SPTA1: variants seen among roughly 807,000 people sequenced by gnomAD.
SPTA1 encodes spectrin alpha chain, erythrocytic 1.
In SPTA1, 177 loss-of-function variants were observed where a neutral mutation model predicts 324.7. The ratio of observed to expected loss-of-function variants is 0.55; its 90% confidence interval spans 0.48 to 0.62. The LOEUF (loss-of-function observed/expected upper bound fraction) is 0.62, where lower values mean the gene tolerates loss of function less well. Among genes scored for constraint, SPTA1 ranks in the 20% least tolerant of loss-of-function variants. The probability of loss-of-function intolerance (pLI) is 0.00; values close to 1 mark genes in which losing one functional copy is unlikely to be tolerated. For missense variants in SPTA1, 3,162 were observed against 2,883.6 expected (o/e 1.10, Z -2.21); for synonymous variants, 1,195 against 1,041.3 (o/e 1.15, Z -2.84).
In SPTA1 at chr1:158,620,827, A is replaced by C. The variant is rs1405981387; in HGVS notation, c.6121-361T>G. On this transcript the variant is annotated intron_variant, in intron 43 of 51. Transcript: ENST00000643759. Reference sequence around the variant, plus strand: ...AGTCTATCCTCCAGTTCTACCCGGCAAGTAGTAAACATGAAAAAAAAAAAA... The same window carrying C: ...AGTCTATCCTCCAGTTCTACCCGGCCAGTAGTAAACATGAAAAAAAAAAAA... 1.9e-5 allele frequency: 3 copies of C among 155,614 alleles called. No homozygotes were observed. The East Asian group carries it at 5.4e-4, about 28-fold the overall frequency. The allele number at this position is 155,614 out of a possible 1,614,324, so 9.6% of individuals were successfully genotyped here.
At chr1:158,681,423 C>A in intron 4 of SPTA1, 104 bp downstream of exon 4, 1 of 1,572,006 alleles carries the variant, frequency 6.4e-7, no homozygotes, top group Admixed American at 1.7e-5. Context: ...AAGCCAGGAA[C>A]AGACATCCTG....
Position 158,661,379 on chromosome 1 carries a change from A to G in SPTA1, c.2495T>C (p.Leu832Pro). The change falls in exon 18 of 52, where the codon CTG becomes CCG. Residue 832 changes from leucine to proline, a missense_variant. By Grantham distance (98) the Leu-to-Pro change is moderately conservative. Coordinates refer to ENST00000643759, the MANE Select transcript of SPTA1 (RefSeq NM_003126.4). ...CTCCAGGATGACTCTATGCCTATTC[A>G]GAAGCTTTTTGGAAGCAATCAGGTC... The part of the protein sequence containing the change: ...GKDLIASKKL[L>P]NRHRVILENI... The G allele has an allele frequency of 6.2e-6, 10 of 1,613,968 alleles. No individual in the cohort carries two copies. The highest frequency in any genetic ancestry group is 8.5e-6 in the Non-Finnish European group (10 of 1,179,898).
In SPTA1 at chr1:158,662,725, G is replaced by T. The variant is rs1179838818; in HGVS notation, c.2441C>A (p.Pro814His). 1 of 1,613,806 alleles carries T rather than the reference G, an allele frequency of 6.2e-7. No homozygotes were observed. Among genetic ancestry groups the T allele is most frequent in the African/African-American group, 1.3e-5 (1 of 74,868 alleles). The change falls in exon 17 of 52, where the codon CCC becomes CAC. Residue 814 changes from proline (P) to histidine (H), a missense_variant. Physicochemically the swap from Pro to His is moderately conservative, Grantham distance 77. Transcript: ENST00000643759. The stretch of plus-strand genomic sequence containing the variant: ...ACCAAGGTAGGTGGAAGTAGCTGAG[G>T]GTTCAGTCTCTTGGATCCAGGCCTC... ...DEEAWIQETEPSATSTYLGKD... is the reference protein window; with the variant it reads ...DEEAWIQETEHSATSTYLGKD...
intron 31 of SPTA1, 55 bp from the exon 32 acceptor site, chr1:158,643,031 A>G (rs1651730247): frequency 1.2e-6 from 2 of 1,606,120 alleles, no homozygotes; most frequent in Non-Finnish European, 1.7e-6. Context: ...CCATGCTCTG[A>G]TGCCATATCC....
chr1:158,642,874 C>G lies in SPTA1; in HGVS notation c.4545G>C (p.Trp1515Cys). Residue 1515 changes from tryptophan (W) to cysteine (C), a missense_variant, in exon 32 of 52, where the codon TGG becomes TGC. Coordinates refer to ENST00000643759, the MANE Select transcript of SPTA1 (RefSeq NM_003126.4). ...FYRDLEELEEWISEMLPTACD... is the reference protein window; with the variant it reads ...FYRDLEELEECISEMLPTACD... ...AGGCTGTGGGCAGCATCTCACTGATCCATTCTTCCAGCTCCTCAAGGTCTC... is the reference window on the plus strand; with the variant it reads ...AGGCTGTGGGCAGCATCTCACTGATGCATTCTTCCAGCTCCTCAAGGTCTC... 6.2e-7 allele frequency: 1 copy of G among 1,613,822 alleles called. No individual in the cohort carries two copies.
intron 42 of SPTA1, among the ~76,000 whole-genome samples, chr1:158,625,216 A>T (rs1488544788): frequency 6.6e-6 from 1 of 152,204 alleles, no homozygotes; most frequent in Non-Finnish European, 1.5e-5. Context: ...GATACTAAAA[A>T]AATGTTGGTG....
At chr1:158,683,546 G>C (rs1210220664) in intron 2 of SPTA1, 50 bp from the exon 3 acceptor site, 19 of 1,609,006 alleles carry the variant, frequency 1.2e-5, no homozygotes, top group Non-Finnish European at 1.6e-5. Flanking sequence ...AGTCTTCATG[G>C]GAAATGTTCA....
rs1655207030 is a variant in SPTA1 at position 158,686,684 on chromosome 1, C to T, written c.-167G>A. The T allele has an allele frequency of 1.2e-5, 7 of 591,996 alleles. No individual in the cohort carries two copies. The East Asian group carries it at 2.0e-4, about 17-fold the overall frequency. The allele number at this position is 591,996 out of a possible 1,614,324, so 36.7% of individuals were successfully genotyped here. On this transcript the variant is annotated 5_prime_UTR_variant, in exon 1 of 52. It removes an upstream start codon present in the reference 5' UTR. Coordinates refer to ENST00000643759, the MANE Select transcript of SPTA1 (RefSeq NM_003126.4). The stretch of plus-strand genomic sequence containing the variant: ...TGCTTGGTCCTAGAATCCCATCAGC[C>T]ATACACAATCGACATTATCTTTAGA...
chr1:158,665,131 C>T (rs1459371734), intron 16 of SPTA1, among the ~76,000 whole-genome samples: 2 of 152,148 alleles, frequency 1.3e-5, no homozygotes, highest in African/African-American at 4.8e-5. Flanking sequence ...GTCACACACT[C>T]CTATTTCTTA....
intron 45 of SPTA1, 32 bp downstream of exon 45, chr1:158,619,190 G>C: frequency 6.3e-7 from 1 of 1,591,020 alleles, no homozygotes. Flanking sequence ...TGGTGGCACA[G>C]GGGTCATGGT....
chr1:158,642,022 A>C (rs1247767912), intron 33 of SPTA1, among the ~76,000 whole-genome samples: 1 of 152,130 alleles, frequency 6.6e-6, no homozygotes, highest in Non-Finnish European at 1.5e-5. Flanking sequence ...ACATGGATGA[A>C]ACTGGAAACC....
chr1:158,659,595 A>ATTATTATTTTTTTTTTTT (rs1345384278), intron 18 of SPTA1, among the ~76,000 whole-genome samples: 1 of 68,780 alleles, frequency 1.5e-5, no homozygotes, highest in Non-Finnish European at 3.3e-5. Context: ...TCTTAGCATT[A>ATTATTATTTTTTTTTTTT]TTTTTTTTTT....
Position 158,671,466 on chromosome 1 carries a change from G to T in SPTA1, c.1489-13C>A, listed in dbSNP as rs1413842289. 1 of 1,602,822 alleles carries T rather than the reference G, an allele frequency of 6.2e-7. No individual in the cohort carries two copies. The highest frequency in any genetic ancestry group is 1.7e-5 in the Admixed American group (1 of 59,952). On this transcript the variant is annotated splice_polypyrimidine_tract_variant and intron_variant, in intron 11 of 51. Coordinates refer to ENST00000643759, the MANE Select transcript of SPTA1 (RefSeq NM_003126.4). ...TTTCCAGGAAGGCCTGTAGAAGACAGAAAGACACACCTAAGCTGTGTCTGA... is the reference window on the plus strand; with the variant it reads ...TTTCCAGGAAGGCCTGTAGAAGACATAAAGACACACCTAAGCTGTGTCTGA...
intron 39 of SPTA1, among the ~76,000 whole-genome samples, chr1:158,629,907 A>G (rs571766636): frequency 6.6e-6 from 1 of 151,948 alleles, no homozygotes; most frequent in East Asian, 1.9e-4. Flanking sequence ...AATCACATCA[A>G]AAATAATAAA....
Position 158,617,547 on chromosome 1 carries a change from T to C in SPTA1, c.6590A>G (p.Glu2197Gly). ...AAAAACAATACTTACTTTATTTGCTTCCAGCTGAGATTCCAGAGTTCCTGT... is the reference window on the plus strand; with the variant it reads ...AAAAACAATACTTACTTTATTTGCTCCCAGCTGAGATTCCAGAGTTCCTGT... ...KETGTLESQL[E>G]ANKRKQKEIQ... is the part of the protein sequence containing the mutation. The change falls in exon 47 of 52, where the codon GAA (glutamate) becomes GGA (glycine). Residue 2197 changes from glutamate (E) to glycine (G), a missense_variant. Transcript: ENST00000643759. 1 of 1,613,476 alleles carries C rather than the reference T, an allele frequency of 6.2e-7. No individual in the cohort carries two copies. Among genetic ancestry groups the C allele is most frequent in the Non-Finnish European group, 8.5e-7 (1 of 1,179,490 alleles).
chr1:158,649,210 C>T (rs1280488217), intron 25 of SPTA1, among the ~76,000 whole-genome samples: 1 of 152,084 alleles, frequency 6.6e-6, no homozygotes, highest in Admixed American at 6.6e-5. Context: ...TGTCTGTTGC[C>T]CTCTACTGTC....
chr1:158,629,187 C>CTCTATCTA (rs71084281), intron 39 of SPTA1, among the ~76,000 whole-genome samples: 7,678 of 148,154 alleles, frequency 0.052, 247 homozygotes, highest in African/African-American at 0.087. Context: ...CAAAATATAT[C>CTCTATCTA]TCTATCTATC....
At chr1:158,623,655 T>TC (rs1471570822) in intron 42 of SPTA1, among the ~76,000 whole-genome samples, 1 of 152,204 alleles carries the variant, frequency 6.6e-6, no homozygotes, top group Admixed American at 6.5e-5. Flanking sequence ...TGTGTTTGTT[T>TC]CCCCTTCCGC....
chr1:158,663,650 C>G (rs941034066), intron 16 of SPTA1, among the ~76,000 whole-genome samples: 3 of 152,142 alleles, frequency 2.0e-5, no homozygotes, highest in African/African-American at 7.2e-5. Flanking sequence ...ACACAGTACC[C>G]AGGATTTTTA....
Sources: allele counts gnomAD v4.1 joint callset (sites outside exome capture counted in the v4.1 genomes callset), GRCh38; gene constraint gnomAD v4.1.1; transcripts MANE v1.5; gene names NCBI Gene and HGNC (gene_info 2026-07-23, HGNC 2026-07-21).